The following UNC79 variants were observed in gnomAD, a reference collection of about 807,000 sequenced individuals.
UNC79 encodes protein unc-79 homolog.
Under a neutral mutation model 283.1 loss-of-function variants are expected in UNC79, and 37 were observed. The observed-to-expected ratio is 0.13, with a 90% CI of 0.10 to 0.17. The LOEUF (loss-of-function observed/expected upper bound fraction) is 0.17. UNC79 is among the 10% of genes least tolerant of loss of function. The pLI is 1.00. For missense variants in UNC79, 2,272 were observed against 3,211.1 expected, an observed-to-expected ratio of 0.71 and a Z score of 7.07; for synonymous variants, 1,107 against 1,200.2, an observed-to-expected ratio of 0.92 and a Z score of 1.61.
At chr14:93,669,279 T>A (rs2072572404) in intron 40 of UNC79, among the ~76,000 whole-genome samples, 1 of 152,128 alleles carries the variant, frequency 6.6e-6, no homozygotes, top group Non-Finnish European at 1.5e-5. Flanking sequence ...TCTGAAAACT[T>A]CTTCAAAATG....
chr14:93,411,951 C>T (rs544625502), intron 1 of UNC79, among the ~76,000 whole-genome samples: 1 of 152,306 alleles, frequency 6.6e-6, no homozygotes, highest in South Asian at 2.1e-4. Flanking sequence ...AAATAAGGCA[C>T]CAGGGACCAG....
At position 93,617,160 on chromosome 14, in the gene UNC79, C is replaced by T. The variant is rs1274047506; in HGVS notation, c.4080C>T (p.Leu1360=). ...ACATTAACTTGGGAAAACACCTTCT[C>T]CCCTTAGTGGTTCAGGTGCTCAAAT... The change falls in exon 28 of 49, where the codon CTC becomes CTT. Residue 1360 remains leucine, a synonymous_variant. Coordinates refer to ENST00000555664, the Ensembl canonical transcript of UNC79. The surrounding 1 kb of genome is among the most constrained non-coding windows in gnomAD (Gnocchi z 4.5). 6.2e-7 allele frequency: 1 copy of T among 1,613,932 alleles called. No individual in the cohort carries two copies. The highest frequency in any genetic ancestry group is 1.7e-5 in the Admixed American group (1 of 60,000).
chr14:93,360,985 AG>A (rs2054208506), intron 1 of UNC79, among the ~76,000 whole-genome samples: 2 of 152,096 alleles, frequency 1.3e-5, no homozygotes, highest in African/African-American at 2.4e-5. Context: ...AGGCCAAGGC[AG>A]GTGGATCACT....
At chr14:93,337,113 A>C (rs1409128856) in intron 1 of UNC79, among the ~76,000 whole-genome samples, 1 of 152,192 alleles carries the variant, frequency 6.6e-6, no homozygotes, top group Non-Finnish European at 1.5e-5. Flanking sequence ...GATGCCTTTC[A>C]GCCAATAAAG....
intron 27 of UNC79, among the ~76,000 whole-genome samples, chr14:93,614,253 A>C (rs1451102541): frequency 2.0e-5 from 3 of 152,000 alleles, no homozygotes; most frequent in Non-Finnish European, 4.4e-5. Context: ...CTCTGTACCC[A>C]TTAAACAATA....
chr14:93,368,810 G>A (rs1035644578), intron 1 of UNC79, among the ~76,000 whole-genome samples: 3 of 152,164 alleles, frequency 2.0e-5, no homozygotes, highest in African/African-American at 7.2e-5. Context: ...AAGCTATTAA[G>A]ACACAAACTA....
chr14:93,562,584 C>T (rs576341890), intron 14 of UNC79, among the ~76,000 whole-genome samples: 1 of 152,254 alleles, frequency 6.6e-6, no homozygotes, highest in African/African-American at 2.4e-5. Flanking sequence ...TTAGTCTGTT[C>T]TACCTTTCCT....
At chr14:93,393,667 C>T (rs1284376566) in intron 1 of UNC79, among the ~76,000 whole-genome samples, 2 of 151,994 alleles carry the variant, frequency 1.3e-5, no homozygotes, top group African/African-American at 4.8e-5. Context: ...TCAGCATTTT[C>T]CTTAGAATAT....
At chr14:93,586,833 G>C (rs2064253738) in exon 22 of UNC79, 3 of 1,613,996 alleles carry the variant, frequency 1.9e-6, no homozygotes, top group Middle Eastern at 1.7e-4. Context: ...TGTCTGCATG[G>C]AGAATGTTTA....
intron 5 of UNC79, 74 bp from the exon 6 acceptor site, chr14:93,496,337 T>TTA (rs1239583428): frequency 7.6e-4 from 729 of 959,352 alleles, no homozygotes; most frequent in Non-Finnish European, 9.2e-4. Context: ...AAGTAATTTC[T>TTA]TATATATGTA....
intron 38 of UNC79, among the ~76,000 whole-genome samples, chr14:93,658,893 T>C (rs1292076804): frequency 6.6e-6 from 1 of 152,178 alleles, no homozygotes; most frequent in East Asian, 1.9e-4. Flanking sequence ...CACCCATCCA[T>C]CCACCATGTC....
At chr14:93,685,349 T>A (rs991305768) in intron 42 of UNC79, among the ~76,000 whole-genome samples, 6 of 152,132 alleles carry the variant, frequency 3.9e-5, no homozygotes, top group Non-Finnish European at 8.8e-5. Flanking sequence ...ATGGAATAAA[T>A]CGCGGGGAAA....
rs372337887 is a variant in UNC79, at chr14:93,551,054, T to A, written c.1755+8358T>A. Among the ~76,000 whole-genome samples the A allele has an allele frequency of 4.3e-4, 65 of 151,838 alleles. 1 individual carries two copies. In the East Asian group the frequency reaches 0.01, roughly 24 times the overall value. On this transcript the variant is annotated intron_variant, in intron 14 of 48. Coordinates refer to ENST00000555664, the Ensembl canonical transcript of UNC79. ...TTATTATTTATTTATTTATTTATTT[T>A]ATTTTTTTAAATCGAGACGGAGTCT...
chr14:93,545,748 T>C (rs2061569271), intron 14 of UNC79, among the ~76,000 whole-genome samples: 1 of 152,226 alleles, frequency 6.6e-6, no homozygotes. Flanking sequence ...TCTTCCTGCC[T>C]GCTGCACAAA....
At chr14:93,509,723 G>C (rs1194356333) in intron 7 of UNC79, among the ~76,000 whole-genome samples, 1 of 152,140 alleles carries the variant, frequency 6.6e-6, no homozygotes, top group Non-Finnish European at 1.5e-5. Flanking sequence ...GGTTCTGCAA[G>C]GTACATCCTC....
intron 22 of UNC79, among the ~76,000 whole-genome samples, chr14:93,591,115 T>C (rs1399376507): frequency 6.6e-6 from 1 of 152,224 alleles, no homozygotes; most frequent in African/African-American, 2.4e-5. Context: ...CTTCCACTTA[T>C]TTAGATTAAG....
chr14:93,533,225 T>A (rs1378487279), intron 11 of UNC79, among the ~76,000 whole-genome samples: 1 of 152,184 alleles, frequency 6.6e-6, no homozygotes, highest in Admixed American at 6.5e-5. Context: ...TGTTCCCTCC[T>A]ACCTATGTGG....
intron 1 of UNC79, among the ~76,000 whole-genome samples, chr14:93,442,184 C>T (rs933507919): frequency 5.3e-5 from 8 of 151,856 alleles, no homozygotes; most frequent in African/African-American, 1.9e-4. Context: ...TTGGGTCATG[C>T]TGAAATGATT....
intron 23 of UNC79, among the ~76,000 whole-genome samples, chr14:93,594,533 G>C (rs1030915227): frequency 2.0e-5 from 3 of 152,198 alleles, no homozygotes; most frequent in Non-Finnish European, 4.4e-5. Flanking sequence ...GCCTCCCAAA[G>C]TGTTGGGATT....
Sources: allele counts gnomAD v4.1 joint callset (sites outside exome capture counted in the v4.1 genomes callset), GRCh38; gene constraint gnomAD v4.1.1; non-coding constraint Gnocchi (gnomAD v3.1); transcripts MANE v1.5; gene names NCBI Gene and HGNC (gene_info 2026-07-23, HGNC 2026-07-21).